Variants in ACTR3C observed in about 807,000 individuals in gnomAD.
ACTR3C encodes actin related protein 3C, also known as actin-related protein 3C.
Under a neutral mutation model 26.3 loss-of-function variants are expected in ACTR3C, and 18 were observed. That is an observed-to-expected ratio of 0.68 (90% CI 0.47 to 1.01). The LOEUF is 1.01. Among genes scored for constraint, ACTR3C ranks in the 50% least tolerant of loss-of-function variants. The pLI, the probability that ACTR3C is intolerant of heterozygous loss-of-function variation, is 0.00. For missense variants in ACTR3C, 184 were observed against 250.7 expected (o/e 0.73, Z 1.80); for synonymous variants, 55 against 94.5 (o/e 0.58, Z 2.42).
chr7:150,025,238 T>C, the ACTR3C span, among the ~76,000 whole-genome samples: 143,497 of 150,950 alleles, frequency 0.95, 68,439 homozygotes, highest in East Asian at 1. Context: ...CCAAGCCTCA[T>C]TGCACTTTTG....
the ACTR3C span, among the ~76,000 whole-genome samples, chr7:149,905,818 C>T: frequency 2.3e-3 from 345 of 152,292 alleles, no homozygotes; most frequent in Non-Finnish European, 3.5e-3. Flanking sequence ...AACAGAAACT[C>T]TCACACACTG....
chr7:149,915,244 C>T, the ACTR3C span, among the ~76,000 whole-genome samples: 1 of 150,958 alleles, frequency 6.6e-6, no homozygotes, highest in Non-Finnish European at 1.5e-5. Context: ...AAAACTAAAG[C>T]AATAAGGGAA....
the ACTR3C span, among the ~76,000 whole-genome samples, chr7:149,897,472 T>C: frequency 6.6e-6 from 1 of 152,266 alleles, no homozygotes. Context: ...TATTAAAATT[T>C]GTTCCAAGAC....
intron 6 of ACTR3C, among the ~76,000 whole-genome samples, chr7:150,257,805 A>G (rs989592429): frequency 5.9e-5 from 9 of 152,188 alleles, no homozygotes; most frequent in African/African-American, 2.2e-4. Context: ...AGGAGCAGAA[A>G]GCTCACTCTT....
chr7:150,068,539 C>CT, the ACTR3C span, among the ~76,000 whole-genome samples: 1 of 151,790 alleles, frequency 6.6e-6, no homozygotes, highest in Non-Finnish European at 1.5e-5. Flanking sequence ...CTTTGGGAGG[C>CT]TGACGCGGGA....
At chr7:150,308,957 T>A (rs962025298) in intron 1 of ACTR3C, among the ~76,000 whole-genome samples, 4 of 152,200 alleles carry the variant, frequency 2.6e-5, no homozygotes, top group African/African-American at 2.4e-5. Context: ...GACTCAGTCC[T>A]ACAATTTAAC....
the ACTR3C span, among the ~76,000 whole-genome samples, chr7:149,922,146 T>C: frequency 3.6e-5 from 5 of 140,124 alleles, no homozygotes; most frequent in Admixed American, 2.3e-4. Context: ...TTTAGAAGAA[T>C]TGGCTGAACA....
At chr7:149,986,299 C>T in the ACTR3C span, among the ~76,000 whole-genome samples, 1 of 152,182 alleles carries the variant, frequency 6.6e-6, no homozygotes, top group Non-Finnish European at 1.5e-5. Flanking sequence ...AGTTTGTGGT[C>T]TCCCTTCTGC....
At chr7:149,978,089 T>A in the ACTR3C span, among the ~76,000 whole-genome samples, 3 of 151,880 alleles carry the variant, frequency 2.0e-5, no homozygotes, top group South Asian at 6.3e-4. Flanking sequence ...GGGTTGCCTG[T>A]GTGGAAGAGT....
chr7:150,087,210 T>C, the ACTR3C span, among the ~76,000 whole-genome samples: 3,777 of 149,090 alleles, frequency 0.025, 165 homozygotes, highest in African/African-American at 0.09. Context: ...AAAAAGAAAC[T>C]TGAGGTTTCT....
the ACTR3C span, among the ~76,000 whole-genome samples, chr7:149,897,367 C>T: frequency 6.6e-6 from 1 of 152,238 alleles, no homozygotes; most frequent in African/African-American, 2.4e-5. Context: ...AAATCATTTA[C>T]CTTTAATGCC....
At chr7:150,155,530 A>G in the ACTR3C span, among the ~76,000 whole-genome samples, 3 of 152,134 alleles carry the variant, frequency 2.0e-5, no homozygotes, top group Non-Finnish European at 2.9e-5. Flanking sequence ...CAACGTTTAC[A>G]TAAGTTTTGT....
At chr7:149,974,463 T>C in the ACTR3C span, among the ~76,000 whole-genome samples, 1 of 152,206 alleles carries the variant, frequency 6.6e-6, no homozygotes, top group South Asian at 2.1e-4. Context: ...TTGACTATAT[T>C]TGGTTCTCTT....
At chr7:150,005,167 T>C in the ACTR3C span, 1 of 152,254 alleles carries the variant, frequency 6.6e-6, no homozygotes, top group African/African-American at 2.4e-5. Flanking sequence ...TAGGTCATAG[T>C]ATTTTTGCAA....
the ACTR3C span, among the ~76,000 whole-genome samples, chr7:150,235,741 A>T: frequency 6.6e-6 from 1 of 152,084 alleles, no homozygotes; most frequent in African/African-American, 2.4e-5. Flanking sequence ...AAAAACACGC[A>T]AGTCAATATC....
At chr7:150,029,420 A>AC in the ACTR3C span, among the ~76,000 whole-genome samples, 21 of 78,970 alleles carry the variant, frequency 2.7e-4, 1 homozygote, top group Non-Finnish European at 4.4e-4. Flanking sequence ...AAAAAAAACA[A>AC]ACAAAAAAAA....
the ACTR3C span, among the ~76,000 whole-genome samples, chr7:150,182,340 A>G: frequency 4.8e-4 from 72 of 151,014 alleles, no homozygotes; most frequent in Non-Finnish European, 6.3e-4. Context: ...AAGTGCTACA[A>G]AAGAGGTTAT....
the ACTR3C span, among the ~76,000 whole-genome samples, chr7:150,109,210 T>C: frequency 3.3e-5 from 5 of 151,926 alleles, no homozygotes; most frequent in Admixed American, 3.3e-4. Flanking sequence ...CTTCATTTTT[T>C]AGCTACAAAT....
chr7:150,298,974 CTTTTTTTTTTTTTT>C (rs550994860), intron 1 of ACTR3C, among the ~76,000 whole-genome samples: 1 of 82,516 alleles, frequency 1.2e-5, no homozygotes, highest in Non-Finnish European at 2.2e-5. Flanking sequence ...GTAATGAAAA[CTTTTTTTTTTTTTT>C]TTTTTTTTTT....
Sources: gnomAD v4.1 joint callset for allele counts (sites outside exome capture counted in the v4.1 genomes callset) on GRCh38, gnomAD v4.1.1 for gene constraint, MANE v1.5 for transcripts, NCBI Gene and HGNC (gene_info 2026-07-23, HGNC 2026-07-21) for gene names.